Variants in FHIT observed in about 807,000 individuals in gnomAD.
FHIT encodes the protein bis(5'-adenosyl)-triphosphatase.
Under a neutral mutation model 17.9 loss-of-function variants are expected in FHIT, and 19 were observed. The ratio of observed to expected loss-of-function variants is 1.06; its 90% CI spans 0.74 to 1.56. The LOEUF (loss-of-function observed/expected upper bound fraction) is 1.56, where lower values mean the gene tolerates loss of function less well. Among genes scored for constraint, FHIT ranks in the 40% most tolerant of loss-of-function variants. FHIT has a pLI of 0.00. For missense variants in FHIT, 248 were observed against 189.2 expected, an observed-to-expected ratio of 1.31 and a Z score of -1.82; for synonymous variants, 81 against 69.7, an observed-to-expected ratio of 1.16 and a Z score of -0.81.
intron 7 of FHIT, among the ~76,000 whole-genome samples, chr3:59,997,040 T>C (rs1442376809): frequency 6.6e-6 from 1 of 152,152 alleles, no homozygotes; most frequent in Non-Finnish European, 1.5e-5. Flanking sequence ...GAAACCATGC[T>C]CATGTTCAAA....
At chr3:60,366,056 G>A (rs1700094561) in intron 5 of FHIT, among the ~76,000 whole-genome samples, 1 of 152,202 alleles carries the variant, frequency 6.6e-6, no homozygotes. Context: ...ATATTTGTCA[G>A]TAATGGGTAT....
At chr3:60,273,382 G>C (rs939899450) in intron 5 of FHIT, among the ~76,000 whole-genome samples, 1 of 152,126 alleles carries the variant, frequency 6.6e-6, no homozygotes, top group African/African-American at 2.4e-5. Flanking sequence ...GCCGAGGCGG[G>C]TGGATCACAA....
At chr3:60,088,225 T>A (rs1170091353) in intron 5 of FHIT, among the ~76,000 whole-genome samples, 2 of 152,018 alleles carry the variant, frequency 1.3e-5, no homozygotes, top group African/African-American at 4.8e-5. Context: ...TCATGACGGA[T>A]CTGCCTTCAT....
intron 4 of FHIT, among the ~76,000 whole-genome samples, chr3:60,802,965 C>A (rs1701245452): frequency 6.6e-6 from 1 of 152,078 alleles, no homozygotes; most frequent in African/African-American, 2.4e-5. Context: ...CTCCCAATAC[C>A]AAGCAATCCT....
At chr3:61,191,087 A>G (rs527988565) in intron 2 of FHIT, among the ~76,000 whole-genome samples, 2 of 152,158 alleles carry the variant, frequency 1.3e-5, no homozygotes, top group African/African-American at 4.8e-5. Context: ...ATAATAAAAA[A>G]AAAATAAAAT....
chr3:61,209,317 G>T (rs1396727845), intron 1 of FHIT, among the ~76,000 whole-genome samples: 1 of 152,178 alleles, frequency 6.6e-6, no homozygotes, highest in Non-Finnish European at 1.5e-5. Context: ...TTCTTGAGGA[G>T]TATCTTTCTG....
chr3:60,533,007 A>G (rs1188978752), intron 5 of FHIT, among the ~76,000 whole-genome samples: 2 of 152,220 alleles, frequency 1.3e-5, no homozygotes, highest in Non-Finnish European at 2.9e-5. Context: ...TCCATTTTAC[A>G]TAAAGATGCC....
chr3:60,889,047 C>T lies in FHIT; in HGVS notation c.-110-67036G>A, dbSNP rs1323944364. ...CCTTTTTCGATTACCTACTCCACCC[C>T]GACTCATTCCAATTCCTACTCCACC... On this transcript the variant is annotated intron_variant, in intron 3 of 9. Coordinates refer to ENST00000492590, the MANE Select transcript of FHIT (RefSeq NM_002012.4). Among the ~76,000 whole-genome samples the T allele has an allele frequency of 1.2e-4, 18 of 152,232 alleles. No homozygotes were observed. The East Asian group carries it at 2.1e-3, about 18-fold the overall frequency.
At chr3:60,477,953 G>A (rs1430393990) in intron 5 of FHIT, among the ~76,000 whole-genome samples, 1 of 152,174 alleles carries the variant, frequency 6.6e-6, no homozygotes, top group African/African-American at 2.4e-5. Context: ...CCTGGAAGGA[G>A]AAAGTGCATA....
intron 5 of FHIT, among the ~76,000 whole-genome samples, chr3:60,269,758 T>C (rs768722234): frequency 2.6e-5 from 4 of 152,164 alleles, no homozygotes; most frequent in Non-Finnish European, 4.4e-5. Context: ...GTGAAGCAGA[T>C]AGAAATGTTG....
intron 5 of FHIT, among the ~76,000 whole-genome samples, chr3:60,151,083 T>A (rs1301030336): frequency 1.3e-5 from 2 of 152,088 alleles, no homozygotes; most frequent in African/African-American, 4.8e-5. Flanking sequence ...CTTTTCACGG[T>A]TTTAGTGAGA....
chr3:59,761,535 C>T (rs1701511688), intron 8 of FHIT, among the ~76,000 whole-genome samples: 1 of 151,972 alleles, frequency 6.6e-6, no homozygotes, highest in Non-Finnish European at 1.5e-5. Context: ...TAAAATAGAA[C>T]AATTGTAACA....
intron 4 of FHIT, among the ~76,000 whole-genome samples, chr3:60,585,362 T>C (rs1459136511): frequency 6.6e-6 from 1 of 152,010 alleles, no homozygotes; most frequent in Non-Finnish European, 1.5e-5. Flanking sequence ...CACAGGTGCA[T>C]TTTGTTAGAG....
chr3:60,653,291 G>T (rs1577030471), intron 4 of FHIT, among the ~76,000 whole-genome samples: 3 of 152,128 alleles, frequency 2.0e-5, no homozygotes, highest in Admixed American at 1.3e-4. Context: ...CAAAAACAGG[G>T]TTCTATTGAA....
intron 5 of FHIT, among the ~76,000 whole-genome samples, chr3:60,167,211 C>G (rs1041191946): frequency 6.6e-6 from 1 of 152,154 alleles, no homozygotes; most frequent in African/African-American, 2.4e-5. Flanking sequence ...CATACACAGT[C>G]AAGTGTTTTG....
rs565779973 is a variant in FHIT at position 59,912,462 on chromosome 3, T to C, written c.348+9884A>G. 5.3e-5 allele frequency among the ~76,000 whole-genome samples: 8 copies of C among 152,274 alleles called. No individual in the cohort carries two copies. The South Asian group carries it at 1.7e-3, about 32-fold the overall frequency. The stretch of plus-strand genomic sequence containing the variant: ...GAGAAGCCAGCTGAAATTTCATATA[T>C]AGATTTGACCTAAATGTGCAATGTC... On this transcript the variant is annotated intron_variant, in intron 8 of 9. Coordinates refer to ENST00000492590, the MANE Select transcript of FHIT (RefSeq NM_002012.4).
intron 5 of FHIT, among the ~76,000 whole-genome samples, chr3:60,093,898 C>T (rs1703833843): frequency 6.6e-6 from 1 of 152,120 alleles, no homozygotes; most frequent in African/African-American, 2.4e-5. Context: ...CTACTACAGG[C>T]ATCAATGTTT....
At chr3:61,011,082 T>C (rs1471744298) in intron 3 of FHIT, among the ~76,000 whole-genome samples, 6 of 152,190 alleles carry the variant, frequency 3.9e-5, no homozygotes, top group African/African-American at 1.4e-4. Context: ...CTTGAAGTAA[T>C]GGGCTACTGA....
intron 8 of FHIT, among the ~76,000 whole-genome samples, chr3:59,909,872 G>C (rs1704784372): frequency 6.6e-6 from 1 of 152,146 alleles, no homozygotes. Flanking sequence ...ATTATATTAT[G>C]TTTGGGAAAT....
Sources: allele counts gnomAD v4.1 joint callset (sites outside exome capture counted in the v4.1 genomes callset), GRCh38; gene constraint gnomAD v4.1.1; transcripts MANE v1.5; gene names NCBI Gene and HGNC (gene_info 2026-07-23, HGNC 2026-07-21).